BCO1: variants seen among roughly 807,000 people sequenced by gnomAD.
The protein encoded by BCO1 is beta,beta-carotene 15,15'-dioxygenase.
A neutral mutation model predicts 56.3 loss-of-function variants in BCO1; 54 were observed. That is an observed-to-expected ratio of 0.96 (90% confidence interval 0.77 to 1.20). BCO1 has a LOEUF of 1.20. Among genes scored for constraint, BCO1 ranks in the 50% most tolerant of loss-of-function variants. The pLI, the probability that BCO1 is intolerant of heterozygous loss-of-function variation, is 0.00. For missense variants in BCO1, 801 were observed against 690.9 expected (o/e 1.16, Z -1.79); for synonymous variants, 318 against 266.1 (o/e 1.20, Z -1.90).
At position 81,267,968 on chromosome 16, in the gene BCO1, C is replaced by G. The variant is rs562843128; in HGVS notation, c.680C>G (p.Ser227Cys). The change falls in exon 6 of 11, where the codon TCC becomes TGC. Residue 227 changes from serine to cysteine, a missense_variant. By Grantham distance (112) the Ser-to-Cys change is moderately radical. Transcript: ENST00000258168. ...ACAGAGGTGTTCTGCTCCATCCCAT[C>G]CCGCTCCCTGCTCTCCCCAAGCTAC... is the stretch of plus-strand genomic sequence containing the variant. ...KHTEVFCSIP[S>C]RSLLSPSYYH... The G allele has an allele frequency of 6.7e-5, 108 of 1,613,966 alleles. No individual in the cohort carries two copies. In the South Asian group the frequency reaches 1.1e-3, roughly 16 times the overall value.
At chr16:81,249,517 A>G (rs1189190730) in intron 2 of BCO1, among the ~76,000 whole-genome samples, 2 of 152,016 alleles carry the variant, frequency 1.3e-5, no homozygotes, top group African/African-American at 2.4e-5. Flanking sequence ...CGGCCTCCCA[A>G]AATGCTGGGA....
intron 6 of BCO1, among the ~76,000 whole-genome samples, chr16:81,269,128 C>T (rs1218083255): frequency 2.4e-5 from 3 of 123,444 alleles, no homozygotes; most frequent in Admixed American, 9.6e-5. Context: ...CAGTAGTTCT[C>T]AGTGTTACCT....
At chr16:81,249,267 CT>C (rs562145231) in intron 2 of BCO1, among the ~76,000 whole-genome samples, 1 of 150,070 alleles carries the variant, frequency 6.7e-6, no homozygotes, top group Non-Finnish European at 1.5e-5. Context: ...GTTTTTTTTT[CT>C]TTTTTTGAGA....
intron 2 of BCO1, among the ~76,000 whole-genome samples, chr16:81,247,095 A>G (rs7192178): frequency 0.39 from 59,100 of 151,940 alleles, 11,692 homozygotes; most frequent in Middle Eastern, 0.5. Flanking sequence ...TACAAAATCA[A>G]GAGCCGAGTT....
chr16:81,284,878 C>T (rs1350764451), intron 8 of BCO1, among the ~76,000 whole-genome samples: 6 of 150,888 alleles, frequency 4.0e-5, no homozygotes, highest in African/African-American at 7.3e-5. Flanking sequence ...ACTCTGTGGC[C>T]CAGGCTGGAG....
chr16:81,257,970 C>G (rs1235681795), intron 2 of BCO1, among the ~76,000 whole-genome samples: 1 of 151,742 alleles, frequency 6.6e-6, no homozygotes, highest in African/African-American at 2.4e-5. Context: ...AGGGATGGGC[C>G]CAGTGTAATC....
intron 5 of BCO1, among the ~76,000 whole-genome samples, chr16:81,266,759 G>C (rs1302450251): frequency 6.6e-6 from 1 of 152,156 alleles, no homozygotes; most frequent in African/African-American, 2.4e-5. Flanking sequence ...TGCAAGCAGA[G>C]ATCCTCTGAG....
At position 81,264,607 on chromosome 16, in the gene BCO1, AC is replaced by A. The variant is rs774889298; in HGVS notation, c.472-32del. Reference sequence around the variant, plus strand: ...ATCTTGCAGGTTGATTATCGTAAATACTTTAAAAAACAGGAGGTGTCATATC... The same window carrying A: ...ATCTTGCAGGTTGATTATCGTAAATATTTAAAAAACAGGAGGTGTCATATC... On this transcript the variant is annotated intron_variant, in intron 4 of 10. Transcript: ENST00000258168. 2.5e-5 allele frequency: 40 copies of A among 1,612,000 alleles called. No individual in the cohort carries two copies. In the East Asian group the frequency reaches 8.2e-4, roughly 33 times the overall value.
chr16:81,270,401 C>T lies in BCO1; in HGVS notation c.1086C>T (p.Pro362=). 6.2e-7 allele frequency: 1 copy of T among 1,614,038 alleles called. No individual in the cohort carries two copies. Among genetic ancestry groups the T allele is most frequent in the Non-Finnish European group, 8.5e-7 (1 of 1,180,016 alleles). ...SVPTLRRFAV[P]LHVDKNAEVG... is the part of the protein sequence containing the mutation. ...CCACCCTCAGGAGGTTTGCCGTGCC[C>T]CTCCACGTGGACAAGGTAATGGCTT... The change falls in exon 7 of 11, where the codon CCC becomes CCT. Residue 362 remains proline, a synonymous_variant. Coordinates refer to ENST00000258168, the MANE Select transcript of BCO1 (RefSeq NM_017429.3).
At chr16:81,288,643 C>G (rs1908309628) in intron 10 of BCO1, among the ~76,000 whole-genome samples, 1 of 152,190 alleles carries the variant, frequency 6.6e-6, no homozygotes, top group African/African-American at 2.4e-5. Flanking sequence ...GTATTTGTGG[C>G]CCACCTCTAT....
chr16:81,275,049 A>C (rs1261647542), intron 7 of BCO1, among the ~76,000 whole-genome samples: 1 of 152,356 alleles, frequency 6.6e-6, no homozygotes, highest in Middle Eastern at 3.4e-3. Flanking sequence ...TGCACTTTCA[A>C]TGGCTCCGCC....
At chr16:81,272,148 C>T (rs1283039793) in intron 7 of BCO1, among the ~76,000 whole-genome samples, 1 of 133,556 alleles carries the variant, frequency 7.5e-6, no homozygotes, top group African/African-American at 2.9e-5. Context: ...GAGTCTCGCT[C>T]TGTGGCCCAG....
chr16:81,264,542 G>C lies in BCO1; in HGVS notation c.472-98G>C, dbSNP rs549113902. 5.6e-6 allele frequency: 8 copies of C among 1,417,320 alleles called. No individual in the cohort carries two copies. The Admixed American group carries it at 1.0e-4, about 18-fold the overall frequency. The allele number at this position is 1,417,320 out of a possible 1,614,324, so 87.8% of individuals were successfully genotyped here. On this transcript the variant is annotated intron_variant, in intron 4 of 10. Coordinates refer to ENST00000258168, the MANE Select transcript of BCO1 (RefSeq NM_017429.3). Reference sequence around the variant, plus strand: ...CCTAGAATCAGTCACGTTTTCATAGGACTTCAACCTTTCTCCTTTGAAAAA... The same window carrying C: ...CCTAGAATCAGTCACGTTTTCATAGCACTTCAACCTTTCTCCTTTGAAAAA...
intron 5 of BCO1, among the ~76,000 whole-genome samples, chr16:81,266,734 G>A (rs1337258878): frequency 6.6e-6 from 1 of 152,116 alleles, no homozygotes; most frequent in African/African-American, 2.4e-5. Context: ...CAGCTCCCAG[G>A]AGCCACTGAC....
chr16:81,240,084 A>G (rs1905045999), intron 1 of BCO1, among the ~76,000 whole-genome samples: 1 of 152,090 alleles, frequency 6.6e-6, no homozygotes, highest in South Asian at 2.1e-4. Flanking sequence ...AATAGCTTTT[A>G]TGTATATATT....
chr16:81,271,188 C>G (rs1168381794), intron 7 of BCO1, among the ~76,000 whole-genome samples: 1 of 151,920 alleles, frequency 6.6e-6, no homozygotes, highest in Admixed American at 6.6e-5. Context: ...GATCTAAGCT[C>G]ACTGCAACCT....
intron 10 of BCO1, 149 bp from the exon 11 acceptor site, chr16:81,290,199 T>C (rs1364005311): frequency 5.3e-6 from 4 of 758,474 alleles, no homozygotes; most frequent in African/African-American, 3.4e-5. Flanking sequence ...TGCCAGGCCT[T>C]TCCCTTCTGT....
chr16:81,266,409 C>G (rs1906832032), intron 5 of BCO1, among the ~76,000 whole-genome samples: 2 of 152,300 alleles, frequency 1.3e-5, no homozygotes, highest in African/African-American at 2.4e-5. Context: ...GGTGCTTCCT[C>G]TGACCTTCTA....
At chr16:81,267,768 CTTG>C in intron 5 of BCO1, 137 bp from the exon 6 acceptor site, 1 of 737,558 alleles carries the variant, frequency 1.4e-6, no homozygotes, top group South Asian at 1.5e-5. Context: ...CTGCAGCAAC[CTTG>C]TTGTCTGTCT....
Sources: gnomAD v4.1 joint callset for allele counts (sites outside exome capture counted in the v4.1 genomes callset) on GRCh38, gnomAD v4.1.1 for gene constraint, MANE v1.5 for transcripts, NCBI Gene and HGNC (gene_info 2026-07-23, HGNC 2026-07-21) for gene names.